Variants in ACADM observed in about 807,000 individuals in gnomAD.
ACADM encodes the protein medium-chain specific acyl-CoA dehydrogenase, mitochondrial.
In ACADM, 49 loss-of-function variants were observed where a neutral mutation model predicts 58.9. That is an observed-to-expected ratio of 0.83 (90% CI 0.66 to 1.06). ACADM has a LOEUF of 1.06. Among genes scored for constraint, ACADM ranks in the 50% least tolerant of loss-of-function variants. The pLI, the probability that ACADM is intolerant of heterozygous loss-of-function variation, is 0.00. For missense variants in ACADM, 496 were observed against 507.0 expected (o/e 0.98, Z 0.21); for synonymous variants, 160 against 157.7 (o/e 1.01, Z -0.11).
At chr1:75,745,966 T>A (rs1440112183) in intron 8 of ACADM, 52 bp downstream of exon 8, 2 of 1,312,320 alleles carry the variant, frequency 1.5e-6, no homozygotes, top group African/African-American at 2.9e-5. Flanking sequence ...AATTATAAAT[T>A]GCAAAATTAC....
intron 6 of ACADM, among the ~76,000 whole-genome samples, chr1:75,737,320 A>ATATACATATATATT: frequency 8.1e-6 from 1 of 123,942 alleles, no homozygotes; most frequent in African/African-American, 2.9e-5. Flanking sequence ...ATATATATAT[A>ATATACATATATATT]TATATATGAA....
chr1:75,748,693 A>G (rs985885224), intron 8 of ACADM, among the ~76,000 whole-genome samples: 3 of 152,212 alleles, frequency 2.0e-5, no homozygotes, highest in Non-Finnish European at 2.9e-5. Context: ...GAAATCACAC[A>G]GTGGTTGCCA....
intron 6 of ACADM, among the ~76,000 whole-genome samples, chr1:75,736,087 G>T (rs1647252007): frequency 6.6e-6 from 1 of 151,886 alleles, no homozygotes; most frequent in Non-Finnish European, 1.5e-5. Flanking sequence ...GGGAAGAATA[G>T]TTGTAGAGTT....
At chr1:75,745,508 T>C (rs1055543848) in intron 7 of ACADM, 8 of 281,440 alleles carry the variant, frequency 2.8e-5, no homozygotes, top group Non-Finnish European at 4.5e-5. Context: ...TATGTAAATG[T>C]CCTCTTTGTC....
At chr1:75,745,454 C>G in intron 7 of ACADM, 1 of 246,306 alleles carries the variant, frequency 4.1e-6, no homozygotes, top group Non-Finnish European at 8.0e-6. Context: ...CCACTGTACT[C>G]CAGCCTGCGC....
At chr1:75,750,910 G>C in intron 10 of ACADM, 1 of 319,620 alleles carries the variant, frequency 3.1e-6, no homozygotes, top group South Asian at 2.9e-5. Flanking sequence ...CACTATGCCT[G>C]GCTAATTTTT....
Position 75,733,630 on chromosome 1 carries a change from T to C in ACADM, c.387+2T>C. ...GCTATTGAAGGAAATTCTTTGGGGG[T>C]AAGTGACTTAGAAAATTAACTACCT... On this transcript the variant is annotated splice_donor_variant, in intron 5 of 11. Transcript: ENST00000370841. LOFTEE classifies it high-confidence loss of function. The C allele has an allele frequency of 6.2e-7, 1 of 1,608,236 alleles. No homozygotes were observed. Among genetic ancestry groups the C allele is most frequent in the Non-Finnish European group, 8.5e-7 (1 of 1,174,766 alleles).
rs1647019735 is a variant in ACADM at position 75,724,769 on chromosome 1, G to C, written c.-19G>C. ...GTGACCCGTGTATTATTGTCCGAGTGGCCGGAACGGGAGCCAACATGGCAG... is the reference window on the plus strand; with the variant it reads ...GTGACCCGTGTATTATTGTCCGAGTCGCCGGAACGGGAGCCAACATGGCAG... On this transcript the variant is annotated 5_prime_UTR_variant, in exon 1 of 12. Transcript: ENST00000370841. 2 of 1,527,906 alleles carry C rather than the reference G, an allele frequency of 1.3e-6. No individual in the cohort carries two copies. Among genetic ancestry groups the C allele is most frequent in the Non-Finnish European group, 1.8e-6 (2 of 1,136,522 alleles). 94.6% of individuals were successfully genotyped at this position (1,527,906 alleles called of 1,614,324 possible). A position where few individuals can be genotyped will look rare whatever the true frequency, so the allele number is the denominator to read the frequency against.
At chr1:75,759,653 TTTC>T (rs1270369550) in intron 10 of ACADM, among the ~76,000 whole-genome samples, 3 of 126,452 alleles carry the variant, frequency 2.4e-5, no homozygotes, top group Non-Finnish European at 3.3e-5. Context: ...CTGTAGCAAC[TTTC>T]TTTTTTTTTT....
intron 7 of ACADM, chr1:75,743,512 T>C: frequency 1.2e-6 from 2 of 1,609,296 alleles, no homozygotes; most frequent in South Asian, 1.1e-5. Context: ...CAGCCGGTGA[T>C]CATAGGTCAG....
intron 10 of ACADM, among the ~76,000 whole-genome samples, chr1:75,760,178 TG>T (rs1648747319): frequency 7.0e-6 from 1 of 141,952 alleles, no homozygotes; most frequent in South Asian, 2.3e-4. Context: ...CCTAGCACTT[TG>T]GGAGGCTGAG....
Position 75,749,478 on chromosome 1 carries a change from A to G in ACADM, c.768A>G (p.Lys256=). ...GAGGAATTGTCTTCGAAGATGTGAA[A>G]GTGCCTAAAGAAAATGTTTTAATTG... The part of the protein sequence containing the change: ...DTRGIVFEDV[K]VPKENVLIGD... Residue 256 remains lysine (K), a synonymous_variant, in exon 9 of 12, where the codon AAA becomes AAG. Transcript: ENST00000370841. The G allele has an allele frequency of 1.2e-6, 2 of 1,614,142 alleles. No individual in the cohort carries two copies. The highest frequency in any genetic ancestry group is 1.7e-6 in the Non-Finnish European group (2 of 1,179,996).
At chr1:75,750,036 A>T (rs559820893) in intron 9 of ACADM, among the ~76,000 whole-genome samples, 1 of 152,168 alleles carries the variant, frequency 6.6e-6, no homozygotes, top group African/African-American at 2.4e-5. Context: ...TTAATTTTTT[A>T]AATAATTCTT....
In ACADM at chr1:75,755,287, T is replaced by C. The variant is rs181237474; in HGVS notation, c.945+4741T>C. Among the ~76,000 whole-genome samples, 41 of 152,282 alleles carry C rather than the reference T, an allele frequency of 2.7e-4. No individual in the cohort carries two copies. The East Asian group carries it at 7.5e-3, about 28-fold the overall frequency. On this transcript the variant is annotated intron_variant, in intron 10 of 11. Coordinates refer to ENST00000370841, the MANE Select transcript of ACADM (RefSeq NM_000016.6). Reference sequence around the variant, plus strand: ...GGTCCTCCCAGAATGGAGTTTGAGATCTGAGAACAGACAGACTGCCTCCTC... The same window carrying C: ...GGTCCTCCCAGAATGGAGTTTGAGACCTGAGAACAGACAGACTGCCTCCTC...
rs553122274 is a variant in ACADM, at chr1:75,745,462, C to T, written c.600-344C>T. On this transcript the variant is annotated intron_variant, in intron 7 of 11. Coordinates refer to ENST00000370841, the MANE Select transcript of ACADM (RefSeq NM_000016.6). Reference sequence around the variant, plus strand: ...GATCATGCCACTGTACTCCAGCCTGCGCAACAGAGTGAGATCTTGTCTAAA... The same window carrying T: ...GATCATGCCACTGTACTCCAGCCTGTGCAACAGAGTGAGATCTTGTCTAAA... The T allele has an allele frequency of 9.4e-5, 24 of 254,588 alleles. No individual in the cohort carries two copies. The South Asian group carries it at 1.0e-3, about 11-fold the overall frequency. The allele number at this position is 254,588 out of a possible 1,614,324, so 15.8% of individuals were successfully genotyped here.
intron 4 of ACADM, 140 bp from the exon 5 acceptor site, chr1:75,733,388 A>G (rs1382314466): frequency 7.1e-6 from 7 of 990,808 alleles, no homozygotes; most frequent in Non-Finnish European, 1.1e-5. Context: ...TGTGCCAGCC[A>G]GAACACATGT....
At chr1:75,758,696 C>T (rs1019318587) in intron 10 of ACADM, among the ~76,000 whole-genome samples, 4 of 152,184 alleles carry the variant, frequency 2.6e-5, no homozygotes, top group African/African-American at 7.2e-5. Context: ...AGTGCTGTGT[C>T]TAGCTAAAGG....
chr1:75,725,406 ATTAAGT>A (rs1382600469), intron 1 of ACADM, among the ~76,000 whole-genome samples: 3 of 152,016 alleles, frequency 2.0e-5, no homozygotes, highest in Admixed American at 6.5e-5. Context: ...GTCACTTAAA[ATTAAGT>A]TAAAGTTATG....
chr1:75,744,822 T>A, intron 7 of ACADM: 1 of 492,830 alleles, frequency 2.0e-6, no homozygotes, highest in South Asian at 2.0e-5. Flanking sequence ...CACAGGCAGC[T>A]CTATTTGCCC....
Sources: allele counts gnomAD v4.1 joint callset (sites outside exome capture counted in the v4.1 genomes callset), GRCh38; gene constraint gnomAD v4.1.1; transcripts MANE v1.5; gene names NCBI Gene and HGNC (gene_info 2026-07-23, HGNC 2026-07-21).